Variants in CNP observed in about 807,000 individuals in gnomAD.
The protein encoded by CNP is 2',3'-cyclic-nucleotide 3'-phosphodiesterase.
In CNP, 8 loss-of-function variants were observed where a neutral mutation model predicts 37.9. That is an observed-to-expected ratio of 0.21 (90% CI 0.12 to 0.38). The LOEUF is 0.38. CNP is among the 10% of genes least tolerant of loss of function. CNP has a pLI of 1.00. For synonymous variants in CNP, 237 were observed against 238.3 expected (o/e 0.99, Z 0.05); for missense variants, 457 against 551.0 (o/e 0.83, Z 1.71).
chr17:41,968,553 G>T lies in CNP; in HGVS notation c.489G>T (p.Glu163Asp). The T allele has an allele frequency of 6.2e-7, 1 of 1,614,172 alleles. No individual in the cohort carries two copies. Among genetic ancestry groups the T allele is most frequent in the South Asian group, 1.1e-5 (1 of 91,080 alleles). The change falls in exon 2 of 4, where the codon GAG becomes GAT. Residue 163 changes from glutamate to aspartate, a missense_variant. By Grantham distance (45) the Glu-to-Asp change is conservative. Coordinates refer to ENST00000393892, the MANE Select transcript of CNP (RefSeq NM_033133.5). The surrounding 1 kb of genome is among the most constrained non-coding windows in gnomAD (Gnocchi z 4.8). ...GGCTGGACTGTGCCCAGCTCAAGGAGAAGAACCAGTGGCAGCTGTCGGCTG... is the reference window on the plus strand; with the variant it reads ...GGCTGGACTGTGCCCAGCTCAAGGATAAGAACCAGTGGCAGCTGTCGGCTG... ...AWRLDCAQLKEKNQWQLSADD... is the reference protein window; with the variant it reads ...AWRLDCAQLKDKNQWQLSADD...
Position 41,968,684 on chromosome 17 carries a change from A to G in CNP, c.620A>G (p.Gln207Arg), listed in dbSNP as rs34353668. ...TCTGAGACCCTCCGCAAAGCCGGCCAGGTCTTCCTGGAAGAGCTGGGGAAC... is the reference window on the plus strand; with the variant it reads ...TCTGAGACCCTCCGCAAAGCCGGCCGGGTCTTCCTGGAAGAGCTGGGGAAC... ...KSSETLRKAG[Q>R]VFLEELGNHK... Residue 207 changes from glutamine to arginine, a missense_variant, in exon 2 of 4, where the codon CAG (glutamine) becomes CGG (arginine). Coordinates refer to ENST00000393892, the MANE Select transcript of CNP (RefSeq NM_033133.5). This position sits in a 1 kb window ranked among gnomAD's most constrained non-coding sequence, Gnocchi z 4.8. 1.1e-3 allele frequency: 1,815 copies of G among 1,614,002 alleles called. 18 individuals are homozygous for G. In the African/African-American group the frequency reaches 0.022, roughly 19 times the overall value.
chr17:41,968,058 C>T lies in CNP; in HGVS notation c.4-10C>T. 1 of 1,606,346 alleles carries T rather than the reference C, an allele frequency of 6.2e-7. No homozygotes were observed. Among genetic ancestry groups the T allele is most frequent in the Non-Finnish European group, 8.5e-7 (1 of 1,175,446 alleles). On this transcript the variant is annotated splice_polypyrimidine_tract_variant and intron_variant, in intron 1 of 3. Transcript: ENST00000393892. This position sits in a 1 kb window ranked among gnomAD's most constrained non-coding sequence, Gnocchi z 4.8. Reference sequence around the variant, plus strand: ...GACCTGGGCTGACATCTCTTCCCCTCCTTACACAGAACAGAGGCTTCTCCC... The same window carrying T: ...GACCTGGGCTGACATCTCTTCCCCTTCTTACACAGAACAGAGGCTTCTCCC...
Position 41,972,021 on chromosome 17 carries a change from C to G in CNP, c.806C>G (p.Ala269Gly). 1 of 1,613,694 alleles carries G rather than the reference C, an allele frequency of 6.2e-7. No individual in the cohort carries two copies. The highest frequency in any genetic ancestry group is 8.5e-7 in the Non-Finnish European group (1 of 1,179,806). ...YGKAPGAEEY[A>G]QQDVLKKSYS... The stretch of plus-strand genomic sequence containing the variant: ...AAGGCTCCCGGGGCAGAGGAGTACG[C>G]TCAACAAGATGTGAGTCTTCCCCAG... The change falls in exon 3 of 4, where the codon GCT (alanine) becomes GGT (glycine). Residue 269 changes from alanine (A) to glycine (G), a missense_variant. Around this residue, in one of 2 missense-constraint regions of CNP, gnomAD observed 291 missense variants for 291.7 expected, o/e 1.00. Transcript: ENST00000393892.
rs1598100650 is a variant in CNP, at chr17:41,968,329, A to C, written c.265A>C (p.Thr89Pro). ...GGTGTCGGCTGACGCTTACAAGATC[A>C]CCCCCGGCGCTCGAGGAGCCTTCTC... ...KMVSADAYKI[T>P]PGARGAFSEE... is the part of the protein sequence containing the mutation. Residue 89 changes from threonine (T) to proline (P), a missense_variant, in exon 2 of 4, where the codon ACC (threonine) becomes CCC (proline). This residue lies in a region of CNP where 166 missense variants were observed against 259.3 expected (regional missense o/e 0.64). Coordinates refer to ENST00000393892, the MANE Select transcript of CNP (RefSeq NM_033133.5). This position sits in a 1 kb window ranked among gnomAD's most constrained non-coding sequence, Gnocchi z 4.8. 1 of 1,613,712 alleles carries C rather than the reference A, an allele frequency of 6.2e-7. No individual in the cohort carries two copies. The highest frequency in any genetic ancestry group is 8.5e-7 in the Non-Finnish European group (1 of 1,179,922).
Position 41,975,037 on chromosome 17 carries a change from T to G in CNP, c.*1113T>G, listed in dbSNP as rs1186920097. On this transcript the variant is annotated 3_prime_UTR_variant, in exon 4 of 4. Transcript: ENST00000393892. ...CTGTGGTTCCTGGGGTGCCCTCCAC[T>G]GCCCTCTGTTCAGTAACAGGGCCTT... The G allele has an allele frequency of 2.0e-5, 3 of 152,358 alleles. No homozygotes were observed. The highest frequency in any genetic ancestry group is 2.9e-5 in the Non-Finnish European group (2 of 68,150). 9.4% of individuals were successfully genotyped at this position (152,358 alleles called of 1,614,324 possible). A position where few individuals can be genotyped will look rare whatever the true frequency, so the allele number is the denominator to read the frequency against.
At chr17:41,967,074 C>T (rs2050908563) in intron 1 of CNP, 187 bp downstream of exon 1, 1 of 538,168 alleles carries the variant, frequency 1.9e-6, no homozygotes, top group East Asian at 3.5e-5. Flanking sequence ...CCGGAGAGGC[C>T]GCTGTAAAGG....
rs781913833 is a variant in CNP at position 41,973,785 on chromosome 17, G to C, written c.1127G>C (p.Gly376Ala). Residue 376 changes from glycine (G) to alanine (A), a missense_variant, in exon 4 of 4, where the codon GGC (glycine) becomes GCC (alanine). Physicochemically the swap from Gly to Ala is moderately conservative, Grantham distance 60. Coordinates refer to ENST00000393892, the MANE Select transcript of CNP (RefSeq NM_033133.5). ...AGCCGGGGCAAGCTCTATTCCTTGG[G>C]CAATGGGCGCTGGATGCTGACCCTG... ...ELSRGKLYSL[G>A]NGRWMLTLAK... 2.5e-5 allele frequency: 41 copies of C among 1,612,660 alleles called. No individual in the cohort carries two copies. Among genetic ancestry groups the C allele is most frequent in the Non-Finnish European group, 3.2e-5 (38 of 1,179,438 alleles).
chr17:41,968,160 G>A lies in CNP; in HGVS notation c.96G>A (p.Leu32=), dbSNP rs1203370282. 6.2e-7 allele frequency: 1 copy of A among 1,614,218 alleles called. No homozygotes were observed. The highest frequency in any genetic ancestry group is 8.5e-7 in the Non-Finnish European group (1 of 1,180,036). ...CAGGGGCCAAGGACAAGCCTGAGCTGCAGTTTCCCTTCCTTCAGGATGAGG... is the reference window on the plus strand; with the variant it reads ...CAGGGGCCAAGGACAAGCCTGAGCTACAGTTTCCCTTCCTTCAGGATGAGG... ...SSSGAKDKPE[L]QFPFLQDEDT... is the part of the protein sequence containing the mutation. The change falls in exon 2 of 4, where the codon CTG becomes CTA. Residue 32 remains leucine, a synonymous_variant. Transcript: ENST00000393892. This position sits in a 1 kb window ranked among gnomAD's most constrained non-coding sequence, Gnocchi z 4.8.
rs2051126331 is a variant in CNP at position 41,977,615 on chromosome 17, G to A, written c.*3691G>A. 1 of 289,112 alleles carries A rather than the reference G, an allele frequency of 3.5e-6. No homozygotes were observed. The highest frequency in any genetic ancestry group is 6.5e-6 in the Non-Finnish European group (1 of 153,200). The allele number at this position is 289,112 out of a possible 1,614,324, so 17.9% of individuals were successfully genotyped here. On this transcript the variant is annotated 3_prime_UTR_variant, in exon 4 of 4. Coordinates refer to ENST00000393892, the MANE Select transcript of CNP (RefSeq NM_033133.5). ...GGGCTGTTTTCTCAACAAATGGAATGCCATTTGCACTTACACAAGACTTTC... is the reference window on the plus strand; with the variant it reads ...GGGCTGTTTTCTCAACAAATGGAATACCATTTGCACTTACACAAGACTTTC...
chr17:41,971,675 G>A (rs1298284716), intron 2 of CNP: 2 of 477,022 alleles, frequency 4.2e-6, no homozygotes, highest in Non-Finnish European at 7.5e-6. Context: ...TGGGATTACA[G>A]GTGTGAACCA....
chr17:41,967,675 C>A (rs563043071), intron 1 of CNP: 5 of 1,036,372 alleles, frequency 4.8e-6, no homozygotes, highest in Non-Finnish European at 5.8e-6. Context: ...CCACTCCCCC[C>A]CTTCTCTGTG....
intron 2 of CNP, chr17:41,971,670 T>G: frequency 2.2e-6 from 1 of 445,430 alleles, no homozygotes; most frequent in African/African-American, 2.0e-5. Context: ...AGTGCTGGGA[T>G]TACAGGTGTG....
In CNP at chr17:41,974,155, C is replaced by G; in HGVS notation, c.*231C>G. The G allele has an allele frequency of 2.7e-6, 1 of 372,092 alleles. No individual in the cohort carries two copies. The highest frequency in any genetic ancestry group is 4.7e-6 in the Non-Finnish European group (1 of 212,136). The allele number at this position is 372,092 out of a possible 1,614,324, so 23.0% of individuals were successfully genotyped here. On this transcript the variant is annotated 3_prime_UTR_variant, in exon 4 of 4. Transcript: ENST00000393892. ...TGGGCAGGGAGGCACCATTCAGGAA[C>G]CTGGACCAAAGCTGACGAGGCTGGG...
chr17:41,968,410 A>G lies in CNP; in HGVS notation c.346A>G (p.Ile116Val). 1 of 1,614,160 alleles carries G rather than the reference A, an allele frequency of 6.2e-7. No individual in the cohort carries two copies. Among genetic ancestry groups the G allele is most frequent in the Non-Finnish European group, 8.5e-7 (1 of 1,180,022 alleles). ...DLAAYCRRRDIRILVLDDTNH... is the reference protein window; with the variant it reads ...DLAAYCRRRDVRILVLDDTNH... ...GGCTGCCTACTGCCGCCGCCGGGACATCAGAATTCTTGTGCTTGATGACAC... is the reference window on the plus strand; with the variant it reads ...GGCTGCCTACTGCCGCCGCCGGGACGTCAGAATTCTTGTGCTTGATGACAC... Residue 116 changes from isoleucine (I) to valine (V), a missense_variant, in exon 2 of 4, where the codon ATC becomes GTC. Around this residue, in one of 2 missense-constraint regions of CNP, gnomAD observed 166 missense variants for 259.3 expected, o/e 0.64. Transcript: ENST00000393892. The surrounding 1 kb of genome is among the most constrained non-coding windows in gnomAD (Gnocchi z 4.8).
rs1480448893 is a variant in CNP, at chr17:41,975,378, T to C, written c.*1454T>C. On this transcript the variant is annotated 3_prime_UTR_variant, in exon 4 of 4. Coordinates refer to ENST00000393892, the MANE Select transcript of CNP (RefSeq NM_033133.5). ...AAAGCAGAGGCTGGCCTCAGACTCATACAGAAGGTGGGGGTTGGCTGGGTA... is the reference window on the plus strand; with the variant it reads ...AAAGCAGAGGCTGGCCTCAGACTCACACAGAAGGTGGGGGTTGGCTGGGTA... 4 of 152,730 alleles carry C rather than the reference T, an allele frequency of 2.6e-5. No homozygotes were observed. The highest frequency in any genetic ancestry group is 7.2e-5 in the African/African-American group (3 of 41,448). 9.5% of individuals were successfully genotyped at this position (152,730 alleles called of 1,614,324 possible).
chr17:41,972,667 G>A (rs1235631283), intron 3 of CNP, among the ~76,000 whole-genome samples: 2 of 152,172 alleles, frequency 1.3e-5, no homozygotes, highest in African/African-American at 4.8e-5. Context: ...GTTCACTAGA[G>A]TGTCCTCCCA....
chr17:41,971,941 T>C lies in CNP; in HGVS notation c.726T>C (p.Phe242=). The change falls in exon 3 of 4, where the codon TTT becomes TTC. Residue 242 remains phenylalanine (F), a synonymous_variant. Coordinates refer to ENST00000393892, the MANE Select transcript of CNP (RefSeq NM_033133.5). ...AGAAGATGGACTTGGTCACCTACTTTGGAAAGAGACCCCCAGGCGTGCTGC... is the reference window on the plus strand; with the variant it reads ...AGAAGATGGACTTGGTCACCTACTTCGGAAAGAGACCCCCAGGCGTGCTGC... ...PREKMDLVTY[F]GKRPPGVLHC... 1 of 1,613,782 alleles carries C rather than the reference T, an allele frequency of 6.2e-7. No homozygotes were observed. The highest frequency in any genetic ancestry group is 1.1e-5 in the South Asian group (1 of 91,072).
intron 3 of CNP, 37 bp downstream of exon 3, chr17:41,972,068 G>C: frequency 6.2e-7 from 1 of 1,607,668 alleles, no homozygotes; most frequent in Non-Finnish European, 8.5e-7. Context: ...GGAGGTGGGA[G>C]GTTGGGGGAG....
Position 41,968,268 on chromosome 17 carries a change from G to A in CNP, c.204G>A (p.Arg68=). Reference sequence around the variant, plus strand: ...GAAGCGGCAAGTCCACGCTGGCACGGGTCATCGTGGACAAGTACCGTGATG... The same window carrying A: ...GAAGCGGCAAGTCCACGCTGGCACGAGTCATCGTGGACAAGTACCGTGATG... ...LPGSGKSTLA[R]VIVDKYRDGT... The change falls in exon 2 of 4, where the codon CGG becomes CGA. Residue 68 remains arginine, a synonymous_variant. Coordinates refer to ENST00000393892, the MANE Select transcript of CNP (RefSeq NM_033133.5). This position sits in a 1 kb window ranked among gnomAD's most constrained non-coding sequence, Gnocchi z 4.8. 3 of 1,614,060 alleles carry A rather than the reference G, an allele frequency of 1.9e-6. No individual in the cohort carries two copies. Among genetic ancestry groups the A allele is most frequent in the Non-Finnish European group, 2.5e-6 (3 of 1,179,964 alleles).
Sources: allele counts gnomAD v4.1 joint callset (sites outside exome capture counted in the v4.1 genomes callset), GRCh38; gene constraint gnomAD v4.1.1; regional missense constraint gnomAD v4.1.1; non-coding constraint Gnocchi (gnomAD v3.1); transcripts MANE v1.5; gene names NCBI Gene and HGNC (gene_info 2026-07-23, HGNC 2026-07-21).